Variants in ADAMTS17 observed in about 807,000 individuals in gnomAD.
The protein encoded by ADAMTS17 is A disintegrin and metalloproteinase with thrombospondin motifs 17.
In ADAMTS17, 113 loss-of-function variants were observed where a neutral mutation model predicts 141.5. The observed-to-expected ratio is 0.80, with a 90% CI of 0.69 to 0.93. The LOEUF (loss-of-function observed/expected upper bound fraction) is 0.93, where lower values mean the gene tolerates loss of function less well. Among genes scored for constraint, ADAMTS17 ranks in the 40% least tolerant of loss-of-function variants. The probability of loss-of-function intolerance (pLI) is 0.00; values close to 1 mark genes in which losing one functional copy is unlikely to be tolerated. For synonymous variants in ADAMTS17, 768 were observed against 630.6 expected, an observed-to-expected ratio of 1.22 and a Z score of -3.27; for missense variants, 1,659 against 1,517.9, an observed-to-expected ratio of 1.09 and a Z score of -1.54.
intron 7 of ADAMTS17, among the ~76,000 whole-genome samples, chr15:100,232,634 A>C (rs1032483250): frequency 1.2e-4 from 18 of 152,242 alleles, no homozygotes; most frequent in African/African-American, 4.3e-4. Flanking sequence ...CGGTAAGTGC[A>C]GGACACCAAG....
intron 7 of ADAMTS17, among the ~76,000 whole-genome samples, chr15:100,212,358 G>A (rs1398406793): frequency 6.6e-6 from 1 of 152,180 alleles, no homozygotes; most frequent in Non-Finnish European, 1.5e-5. Flanking sequence ...TTCCAGGGAA[G>A]ACAGGAGAAG....
At chr15:100,262,281 T>C (rs2043548452) in intron 5 of ADAMTS17, 71 bp downstream of exon 5, 2 of 1,404,190 alleles carry the variant, frequency 1.4e-6, no homozygotes, top group South Asian at 1.2e-5. Flanking sequence ...CGCTTAGCAT[T>C]CAACAGCAGT....
intron 8 of ADAMTS17, among the ~76,000 whole-genome samples, chr15:100,179,233 C>T (rs1182307477): frequency 3.3e-5 from 5 of 152,180 alleles, no homozygotes. Context: ...CCTCCTATTA[C>T]CCGTCTTAGC....
intron 16 of ADAMTS17, among the ~76,000 whole-genome samples, chr15:100,053,136 T>G (rs1295357113): frequency 1.3e-5 from 2 of 152,216 alleles, no homozygotes; most frequent in African/African-American, 4.8e-5. Flanking sequence ...CCACAAATCC[T>G]GTTTTTTGGA....
At chr15:100,104,721 A>T (rs547321196) in intron 14 of ADAMTS17, among the ~76,000 whole-genome samples, 2 of 152,222 alleles carry the variant, frequency 1.3e-5, no homozygotes, top group Non-Finnish European at 2.9e-5. Context: ...TTAGACAATT[A>T]TTATCAATGA....
intron 10 of ADAMTS17, among the ~76,000 whole-genome samples, chr15:100,141,496 A>G (rs1207508912): frequency 6.6e-6 from 1 of 152,228 alleles, no homozygotes; most frequent in African/African-American, 2.4e-5. Context: ...ATCAACGCTA[A>G]GAGCTGGATG....
intron 12 of ADAMTS17, among the ~76,000 whole-genome samples, chr15:100,123,226 A>G (rs28645636): frequency 0.078 from 11,947 of 152,276 alleles, 1,423 homozygotes; most frequent in African/African-American, 0.26. Context: ...ACACAGTCTC[A>G]GTAGTAGAGG....
chr15:100,140,961 C>A, intron 10 of ADAMTS17, among the ~76,000 whole-genome samples: 1 of 152,334 alleles, frequency 6.6e-6, no homozygotes, highest in Admixed American at 6.5e-5. Flanking sequence ...TGGAAACACA[C>A]AAAGGGCGGC....
At chr15:100,295,050 T>A (rs1432186702) in intron 3 of ADAMTS17, among the ~76,000 whole-genome samples, 1 of 152,102 alleles carries the variant, frequency 6.6e-6, no homozygotes, top group African/African-American at 2.4e-5. Context: ...GTCACCACAA[T>A]TGCAGCATGA....
chr15:100,017,137 G>C (rs2061306506), intron 18 of ADAMTS17, among the ~76,000 whole-genome samples: 1 of 152,136 alleles, frequency 6.6e-6, no homozygotes, highest in South Asian at 2.1e-4. Context: ...CAGGTTGTCA[G>C]GGAAGTGGGG....
At chr15:100,274,845 CT>C (rs1405415967) in intron 4 of ADAMTS17, among the ~76,000 whole-genome samples, 1 of 148,966 alleles carries the variant, frequency 6.7e-6, no homozygotes, top group Non-Finnish European at 1.5e-5. Context: ...TTTTAATTCC[CT>C]TTTCATTTGC....
At chr15:100,230,205 C>T (rs1265218012) in intron 7 of ADAMTS17, among the ~76,000 whole-genome samples, 1 of 152,236 alleles carries the variant, frequency 6.6e-6, no homozygotes, top group African/African-American at 2.4e-5. Context: ...AGCACAAACA[C>T]GTCACGAATG....
At chr15:100,060,810 T>C (rs1212357392) in intron 15 of ADAMTS17, among the ~76,000 whole-genome samples, 2 of 152,218 alleles carry the variant, frequency 1.3e-5, no homozygotes, top group African/African-American at 4.8e-5. Context: ...GTAGGTGGGG[T>C]GAAATTCTTC....
intron 14 of ADAMTS17, among the ~76,000 whole-genome samples, chr15:100,103,920 T>G (rs921872762): frequency 2.6e-5 from 4 of 152,204 alleles, no homozygotes; most frequent in Non-Finnish European, 5.9e-5. Context: ...GGCCAGTGTA[T>G]AGGGAAGCAC....
intron 7 of ADAMTS17, among the ~76,000 whole-genome samples, chr15:100,200,099 C>G (rs563893323): frequency 7.9e-5 from 12 of 152,354 alleles, no homozygotes; most frequent in Non-Finnish European, 1.6e-4. Flanking sequence ...TCAGTGAGCA[C>G]CAGCCCACAA....
chr15:100,145,257 C>G (rs944344751), intron 10 of ADAMTS17, among the ~76,000 whole-genome samples: 5 of 152,152 alleles, frequency 3.3e-5, no homozygotes, highest in Non-Finnish European at 7.3e-5. Context: ...TTTGGGGGAG[C>G]CTAGGGCTTG....
chr15:100,283,994 C>A (rs969950227), intron 3 of ADAMTS17, among the ~76,000 whole-genome samples: 18 of 152,082 alleles, frequency 1.2e-4, no homozygotes, highest in African/African-American at 2.9e-4. Flanking sequence ...TAATCCCAGC[C>A]ACTCGGGAGG....
intron 14 of ADAMTS17, among the ~76,000 whole-genome samples, chr15:100,105,623 A>C (rs180900195): frequency 2.0e-4 from 31 of 152,268 alleles, no homozygotes; most frequent in Non-Finnish European, 3.8e-4. Flanking sequence ...TTAGGTCAAG[A>C]GGGGGTAGAG....
At chr15:100,043,053 T>C (rs1357001010) in intron 18 of ADAMTS17, among the ~76,000 whole-genome samples, 1 of 152,230 alleles carries the variant, frequency 6.6e-6, no homozygotes, top group Non-Finnish European at 1.5e-5. Context: ...CAAAATCTAT[T>C]ATCAGATCAT....
Sources: gnomAD v4.1 joint callset for allele counts (sites outside exome capture counted in the v4.1 genomes callset) on GRCh38, gnomAD v4.1.1 for gene constraint, MANE v1.5 for transcripts, NCBI Gene and HGNC (gene_info 2026-07-23, HGNC 2026-07-21) for gene names.